Variants in RIN3 observed in about 807,000 individuals in gnomAD.
RIN3 encodes Ras and Rab interactor 3.
A neutral mutation model predicts 76.3 loss-of-function variants in RIN3; 54 were observed. The observed-to-expected ratio is 0.71, with a 90% confidence interval of 0.57 to 0.89. RIN3 has a LOEUF of 0.89. Ranked by LOEUF, RIN3 falls within the 40% of genes least tolerant of loss-of-function variation. The pLI, the probability that RIN3 is intolerant of heterozygous loss-of-function variation, is 0.00. For synonymous variants in RIN3, 576 were observed against 564.0 expected (o/e 1.02, Z -0.30); for missense variants, 1,256 against 1,322.1 (o/e 0.95, Z 0.78).
chr14:92,629,117 A>AAGAGAGAGAGAGAGAG (rs58288914), intron 4 of RIN3, among the ~76,000 whole-genome samples: 7 of 145,266 alleles, frequency 4.8e-5, no homozygotes, highest in Non-Finnish European at 9.0e-5. Context: ...CGGAAAGGAA[A>AAGAGAGAGAGAGAGAG]AGAGAGAGAG....
Position 92,547,072 on chromosome 14 carries a change from TTTATA to T in RIN3, c.45-8658_45-8654del, listed in dbSNP as rs1172250552. On this transcript the variant is annotated intron_variant, in intron 1 of 9. Coordinates refer to ENST00000216487, the MANE Select transcript of RIN3 (RefSeq NM_024832.5). Reference sequence around the variant, plus strand: ...TATAATAAAATAAATTATATTTTATTTTATATTATATTATATTATATTATAATTAA... The same window carrying T: ...TATAATAAAATAAATTATATTTTATTTTATATTATATTATATTATAATTAA... Among the ~76,000 whole-genome samples, 12 of 114,022 alleles carry T rather than the reference TTTATA, an allele frequency of 1.1e-4. 2 individuals are homozygous for T. The highest frequency in any genetic ancestry group is 5.6e-4 in the South Asian group (2 of 3,598). 74.8% of individuals were successfully genotyped at this position (114,022 alleles called of 152,430 possible).
At chr14:92,684,920 G>A in intron 8 of RIN3, 67 bp from the exon 9 acceptor site, 1 of 1,543,404 alleles carries the variant, frequency 6.5e-7, no homozygotes, top group South Asian at 1.2e-5. Flanking sequence ...GGTGGGGCAG[G>A]CCAAGCTCCT....
intron 1 of RIN3, among the ~76,000 whole-genome samples, chr14:92,542,151 G>A (rs930975309): frequency 6.6e-6 from 1 of 152,112 alleles, no homozygotes; most frequent in African/African-American, 2.4e-5. Flanking sequence ...AGCCAGGTGT[G>A]GTGGCACATG....
chr14:92,555,781 A>G lies in RIN3; in HGVS notation c.75A>G (p.Glu25=), dbSNP rs780560086. Residue 25 remains glutamate (E), a synonymous_variant, in exon 2 of 10, where the codon GAA becomes GAG. Coordinates refer to ENST00000216487, the MANE Select transcript of RIN3 (RefSeq NM_024832.5). ...TTCCAGTTGTTGGCAAAGGAGAGGA[A>G]GAGGAAGAGGAAGATGGCATGCGGC... ...GPVPVVGKGE[E]EEEEDGMRLC... is the part of the protein sequence containing the mutation. 13 of 1,613,170 alleles carry G rather than the reference A, an allele frequency of 8.1e-6. No individual in the cohort carries two copies. The East Asian group carries it at 2.7e-4, about 33-fold the overall frequency.
intron 3 of RIN3, among the ~76,000 whole-genome samples, chr14:92,592,882 C>T (rs2140079213): frequency 6.6e-6 from 1 of 152,060 alleles, no homozygotes; most frequent in Admixed American, 6.5e-5. Context: ...CCATGTTGGC[C>T]AGGCTGGTCT....
rs763684918 is a variant in RIN3, at chr14:92,651,623, A to C, written c.574A>C (p.Lys192Gln). ...SSLNPPQERG[K>Q]PAEPPRDRAP... ...GCTGAATCCTCCACAAGAAAGAGGG[A>C]AGCCAGCAGAGCCCCCAAGAGACCG... The change falls in exon 6 of 10, where the codon AAG becomes CAG. Residue 192 changes from lysine to glutamine, a missense_variant. Transcript: ENST00000216487. 1 of 1,610,112 alleles carries C rather than the reference A, an allele frequency of 6.2e-7. No individual in the cohort carries two copies. The highest frequency in any genetic ancestry group is 1.3e-5 in the African/African-American group (1 of 74,468).
At chr14:92,663,821 A>T (rs1887971768) in intron 7 of RIN3, among the ~76,000 whole-genome samples, 1 of 152,084 alleles carries the variant, frequency 6.6e-6, no homozygotes, top group African/African-American at 2.4e-5. Flanking sequence ...ATCTCCCTGG[A>T]CCTTTGTTTG....
In RIN3 at chr14:92,546,341, C is replaced by T. The variant is rs191203097; in HGVS notation, c.45-9410C>T. Among the ~76,000 whole-genome samples, 148 of 152,276 alleles carry T rather than the reference C, an allele frequency of 9.7e-4. 1 individual carries two copies. Among genetic ancestry groups the T allele is most frequent in the Non-Finnish European group, 2.2e-4 (15 of 68,032 alleles). On this transcript the variant is annotated intron_variant, in intron 1 of 9. Coordinates refer to ENST00000216487, the MANE Select transcript of RIN3 (RefSeq NM_024832.5). ...CAAATCGGGGGATTGGGATATCCAT[C>T]ACCTTAAATATTTATCTTTTTGCTG...
intron 5 of RIN3, among the ~76,000 whole-genome samples, chr14:92,645,889 T>G (rs558196157): frequency 1.3e-5 from 2 of 151,640 alleles, no homozygotes; most frequent in South Asian, 4.2e-4. Flanking sequence ...GAAGTGGAGA[T>G]TGCAGTGAGC....
chr14:92,644,547 A>G (rs1356260609), intron 5 of RIN3: 1 of 152,228 alleles, frequency 6.6e-6, no homozygotes, highest in South Asian at 2.1e-4. Flanking sequence ...TGGGAAGCCA[A>G]CAGCAGTTCA....
intron 2 of RIN3, among the ~76,000 whole-genome samples, chr14:92,561,461 TA>T (rs1463404422): frequency 6.6e-6 from 1 of 151,696 alleles, no homozygotes; most frequent in African/African-American, 2.4e-5. Flanking sequence ...GGCAACCAAA[TA>T]GCCACCTTTA....
Position 92,513,959 on chromosome 14 carries a change from G to T in RIN3, c.27G>T (p.Ala9=). MIRHAGAP[A]RGDPTGPVPV... is the part of the protein sequence containing the mutation. ...TGATCCGACACGCCGGGGCGCCCGC[G>T]CGCGGGGACCCCACGGGGTAAGTCC... Residue 9 remains alanine (A), a synonymous_variant, in exon 1 of 10, where the codon GCG becomes GCT. Transcript: ENST00000216487. 1 of 1,245,000 alleles carries T rather than the reference G, an allele frequency of 8.0e-7. No individual in the cohort carries two copies. The highest frequency in any genetic ancestry group is 1.0e-6 in the Non-Finnish European group (1 of 994,670). The allele number at this position is 1,245,000 out of a possible 1,614,324, so 77.1% of individuals were successfully genotyped here. A position where few individuals can be genotyped will look rare whatever the true frequency, so the allele number is the denominator to read the frequency against.
intron 1 of RIN3, among the ~76,000 whole-genome samples, chr14:92,530,368 T>G (rs1300134319): frequency 6.6e-6 from 1 of 152,236 alleles, no homozygotes; most frequent in African/African-American, 2.4e-5. Flanking sequence ...TTTCTGTGCT[T>G]CTAACAGAAA....
At position 92,631,651 on chromosome 14, in the gene RIN3, A is replaced by G. The variant is rs1357603294; in HGVS notation, c.441-9587A>G. Among the ~76,000 whole-genome samples, 3 of 151,894 alleles carry G rather than the reference A, an allele frequency of 2.0e-5. No homozygotes were observed. In the East Asian group the frequency reaches 5.8e-4, roughly 29 times the overall value. ...GAGTCTCACTCTGTCACCAGGCTGG[A>G]GTGCAGTGGTGTGATCTGGGCTCAC... is the stretch of plus-strand genomic sequence containing the variant. On this transcript the variant is annotated intron_variant, in intron 4 of 9. Transcript: ENST00000216487.
chr14:92,671,299 G>A (rs563445807), intron 7 of RIN3, among the ~76,000 whole-genome samples: 13 of 152,214 alleles, frequency 8.5e-5, no homozygotes, highest in South Asian at 4.2e-4. Flanking sequence ...AGTTGATAAC[G>A]GGAAGGTAGG....
chr14:92,603,405 G>A (rs1885414129), intron 3 of RIN3, among the ~76,000 whole-genome samples: 2 of 152,202 alleles, frequency 1.3e-5, no homozygotes, highest in South Asian at 4.1e-4. Flanking sequence ...CTTTTGTGGA[G>A]CAGCTGCTAT....
At chr14:92,622,788 G>A (rs1886229501) in intron 4 of RIN3, among the ~76,000 whole-genome samples, 1 of 152,208 alleles carries the variant, frequency 6.6e-6, no homozygotes, top group Admixed American at 6.5e-5. Context: ...ATAGATGAAT[G>A]GGTATGATTA....
intron 3 of RIN3, among the ~76,000 whole-genome samples, chr14:92,613,897 G>T (rs150271006): frequency 5.3e-5 from 8 of 152,228 alleles, no homozygotes; most frequent in African/African-American, 1.2e-4. Context: ...GGGCTCTCAC[G>T]TGCAGGGAGC....
At chr14:92,558,561 C>G (rs560127921) in intron 2 of RIN3, among the ~76,000 whole-genome samples, 10 of 152,290 alleles carry the variant, frequency 6.6e-5, no homozygotes, top group African/African-American at 2.4e-4. Flanking sequence ...GAAGCAGACC[C>G]TGAGACAAGG....
Sources: allele counts gnomAD v4.1 joint callset (sites outside exome capture counted in the v4.1 genomes callset), GRCh38; gene constraint gnomAD v4.1.1; transcripts MANE v1.5; gene names NCBI Gene and HGNC (gene_info 2026-07-23, HGNC 2026-07-21).